The following MAEA variants were observed in gnomAD, a reference collection of about 807,000 sequenced individuals.
MAEA encodes macrophage erythroblast attacher, E3 ubiquitin ligase.
A neutral mutation model predicts 46.2 loss-of-function variants in MAEA; 22 were observed. That is an observed-to-expected ratio of 0.48 (90% confidence interval 0.34 to 0.68). The LOEUF (loss-of-function observed/expected upper bound fraction) is 0.68. Among genes scored for constraint, MAEA ranks in the 30% least tolerant of loss-of-function variants. MAEA has a pLI of 0.01. For synonymous variants in MAEA, 246 were observed against 222.6 expected, an observed-to-expected ratio of 1.11 and a Z score of -0.94; for missense variants, 393 against 558.1, an observed-to-expected ratio of 0.70 and a Z score of 2.98.
At chr4:1,306,215 A>G (rs1180481241) in intron 1 of MAEA, among the ~76,000 whole-genome samples, 1 of 152,192 alleles carries the variant, frequency 6.6e-6, no homozygotes, top group Non-Finnish European at 1.5e-5. Context: ...TGGACCCATA[A>G]AATTCACCAT....
chr4:1,313,831 C>T (rs112198751), intron 2 of MAEA, among the ~76,000 whole-genome samples: 1,800 of 151,836 alleles, frequency 0.012, 34 homozygotes, highest in African/African-American at 0.041. Flanking sequence ...TTGCTTGAGC[C>T]CAGGAGTTTG....
chr4:1,305,054 T>G (rs747780804), intron 1 of MAEA, among the ~76,000 whole-genome samples: 1 of 152,250 alleles, frequency 6.6e-6, no homozygotes, highest in Non-Finnish European at 1.5e-5. Flanking sequence ...TTATGATGAT[T>G]ATTAATACCG....
rs370412501 is a variant in MAEA, at chr4:1,312,970, C to T, written c.252+809C>T. 2.9e-4 allele frequency among the ~76,000 whole-genome samples: 44 copies of T among 152,354 alleles called. 2 individuals carry two copies. Among genetic ancestry groups the T allele is most frequent in the African/African-American group, 9.9e-4 (41 of 41,578 alleles). ...AGCAGCAAGAGACTGCTGTTGTCCC[C>T]TGGAGTGTTGGCCAGGCCAGATGGA... On this transcript the variant is annotated intron_variant, in intron 2 of 8. Transcript: ENST00000303400.
rs796587459 is a variant in MAEA at position 1,329,200 on chromosome 4, T to C, written c.656+1497T>C. On this transcript the variant is annotated intron_variant, in intron 5 of 8. Coordinates refer to ENST00000303400, the MANE Select transcript of MAEA (RefSeq NM_001017405.3). Reference sequence around the variant, plus strand: ...TTCCGCATAGGGTCTGTTGACCTGTTACCCCCACTCCGCATAGGGTCTATT... The same window carrying C: ...TTCCGCATAGGGTCTGTTGACCTGTCACCCCCACTCCGCATAGGGTCTATT... 28 of 985,658 alleles carry C rather than the reference T, an allele frequency of 2.8e-5. No individual in the cohort carries two copies. In the African/African-American group the frequency reaches 4.7e-4, roughly 17 times the overall value. 61.1% of individuals were successfully genotyped at this position (985,658 alleles called of 1,614,324 possible). A position where few individuals can be genotyped will look rare whatever the true frequency, so the allele number is the denominator to read the frequency against.
At chr4:1,325,486 A>G (rs1449376014) in intron 4 of MAEA, among the ~76,000 whole-genome samples, 2 of 152,196 alleles carry the variant, frequency 1.3e-5, no homozygotes, top group Non-Finnish European at 2.9e-5. Context: ...AAAGTAACCT[A>G]CTAGAGCAAA....
chr4:1,295,008 G>A (rs1207235374), intron 1 of MAEA, among the ~76,000 whole-genome samples: 1 of 152,152 alleles, frequency 6.6e-6, no homozygotes, highest in East Asian at 1.9e-4. Context: ...CCAGAGCTGT[G>A]CAGGGAGGGT....
chr4:1,310,448 A>G (rs1391202489), intron 1 of MAEA, among the ~76,000 whole-genome samples: 2 of 152,234 alleles, frequency 1.3e-5, no homozygotes, highest in African/African-American at 4.8e-5. Context: ...GCGTGGCACC[A>G]GCAAGCTTGG....
At chr4:1,304,142 G>T (rs73073703) in intron 1 of MAEA, among the ~76,000 whole-genome samples, 23,420 of 152,086 alleles carry the variant, frequency 0.15, 3,476 homozygotes, top group East Asian at 0.42. Flanking sequence ...TCACCAGTGT[G>T]TTTTCTGTGA....
chr4:1,333,414 C>T (rs1464806136), intron 6 of MAEA, among the ~76,000 whole-genome samples: 2 of 152,088 alleles, frequency 1.3e-5, no homozygotes, highest in African/African-American at 4.8e-5. Flanking sequence ...GGCCCAGCTT[C>T]CTTGCCTGTC....
chr4:1,316,821 C>A (rs1304939714), intron 3 of MAEA, among the ~76,000 whole-genome samples: 1 of 152,058 alleles, frequency 6.6e-6, no homozygotes, highest in Non-Finnish European at 1.5e-5. Context: ...CACACTCACG[C>A]CCCCATGCAG....
chr4:1,310,046 C>G, intron 1 of MAEA: 1 of 1,140,540 alleles, frequency 8.8e-7, no homozygotes, highest in South Asian at 4.0e-5. Flanking sequence ...GTGGTTGTGC[C>G]GCTTTGTCTA....
intron 1 of MAEA, among the ~76,000 whole-genome samples, chr4:1,294,147 G>A (rs992424372): frequency 4.6e-5 from 7 of 152,200 alleles, no homozygotes; most frequent in Admixed American, 1.3e-4. Context: ...GAATCCGCCC[G>A]GTCTCTAGAG....
At chr4:1,327,124 C>T (rs1275287167) in intron 4 of MAEA, among the ~76,000 whole-genome samples, 4 of 152,266 alleles carry the variant, frequency 2.6e-5, no homozygotes. Context: ...CGCCTCGGGA[C>T]AGGACTTGCC....
intron 5 of MAEA, chr4:1,329,027 C>A: frequency 1.0e-6 from 1 of 986,000 alleles, no homozygotes; most frequent in Non-Finnish European, 1.2e-6. Context: ...GTGTCGCTGG[C>A]CTCTGTCCGG....
chr4:1,296,799 C>T (rs1577127641), intron 1 of MAEA, among the ~76,000 whole-genome samples: 1 of 152,144 alleles, frequency 6.6e-6, no homozygotes, highest in African/African-American at 2.4e-5. Context: ...CACAGCGGAC[C>T]CCACTGCCTC....
At position 1,338,430 on chromosome 4, in the gene MAEA, A is replaced by C. The variant is rs1371425490; in HGVS notation, c.908A>C (p.Tyr303Ser). 1.2e-6 allele frequency: 2 copies of C among 1,612,144 alleles called. No individual in the cohort carries two copies. Among genetic ancestry groups the C allele is most frequent in the Non-Finnish European group, 1.7e-6 (2 of 1,179,486 alleles). Residue 303 changes from tyrosine (Y) to serine (S), a missense_variant, in exon 8 of 9, where the codon TAC becomes TCC. Physicochemically the swap from Tyr to Ser is moderately radical, Grantham distance 144. Transcript: ENST00000303400. ...CTTGACCCGATGCTCAGACAGTGCT[A>C]CAAGGAGGACGGCAGCTCCAAGAGC... is the stretch of plus-strand genomic sequence containing the variant. ...GLSAIKTPQC[Y>S]KEDGSSKSPD...
chr4:1,337,491 G>A (rs1386390246), intron 7 of MAEA: 6 of 190,718 alleles, frequency 3.1e-5, no homozygotes, highest in South Asian at 6.7e-5. Context: ...TGACTCACTC[G>A]GCTCCCGCCT....
chr4:1,296,494 G>A (rs78054639), intron 1 of MAEA, among the ~76,000 whole-genome samples: 11,377 of 122,178 alleles, frequency 0.093, 1,031 homozygotes, highest in East Asian at 0.43. Context: ...CCTCACTTGC[G>A]CTGTGCCCCC....
intron 1 of MAEA, among the ~76,000 whole-genome samples, chr4:1,305,064 G>A (rs1396960919): frequency 1.3e-5 from 2 of 152,048 alleles, no homozygotes; most frequent in Non-Finnish European, 1.5e-5. Flanking sequence ...TATTAATACC[G>A]TGGACTTCTC....
Sources: gnomAD v4.1 joint callset for allele counts (sites outside exome capture counted in the v4.1 genomes callset) on GRCh38, gnomAD v4.1.1 for gene constraint, MANE v1.5 for transcripts, NCBI Gene and HGNC (gene_info 2026-07-23, HGNC 2026-07-21) for gene names.